Variants in SSH2 observed in about 807,000 individuals in gnomAD.
SSH2 encodes the protein slingshot protein phosphatase 2.
Under a neutral mutation model 135.2 loss-of-function variants are expected in SSH2, and 37 were observed. That is an observed-to-expected ratio of 0.27 (90% CI 0.21 to 0.36). SSH2 has a LOEUF of 0.36. Ranked by LOEUF, SSH2 falls within the 10% of genes least tolerant of loss-of-function variation. The pLI, the probability that SSH2 is intolerant of heterozygous loss-of-function variation, is 1.00. For missense variants in SSH2, 1,408 were observed against 1,765.3 expected (o/e 0.80, Z 3.63); for synonymous variants, 628 against 646.2 (o/e 0.97, Z 0.43).
intron 3 of SSH2, among the ~76,000 whole-genome samples, chr17:29,764,170 C>T (rs949770933): frequency 3.3e-5 from 5 of 152,010 alleles, no homozygotes; most frequent in South Asian, 2.1e-4. Context: ...AGGCTGGTCT[C>T]GAACTCCTGA....
intron 2 of SSH2, among the ~76,000 whole-genome samples, chr17:29,821,765 T>C (rs1213936390): frequency 6.6e-6 from 1 of 151,932 alleles, no homozygotes; most frequent in East Asian, 1.9e-4. Context: ...TGCCTCAGCC[T>C]CCTGAGTAGC....
chr17:29,649,995 T>C (rs966156660), intron 13 of SSH2, among the ~76,000 whole-genome samples: 21 of 152,224 alleles, frequency 1.4e-4, no homozygotes, highest in African/African-American at 5.1e-4. Flanking sequence ...AACATAGTCC[T>C]ACCTGAAGGA....
chr17:29,761,841 A>ATATG (rs1360849978), intron 3 of SSH2, among the ~76,000 whole-genome samples: 1 of 141,228 alleles, frequency 7.1e-6, no homozygotes, highest in South Asian at 2.1e-4. Flanking sequence ...ACTCACATAC[A>ATATG]TATGTGTGTG....
chr17:29,857,130 T>A (rs140681781), intron 1 of SSH2, among the ~76,000 whole-genome samples: 1,644 of 152,222 alleles, frequency 0.011, 20 homozygotes, highest in African/African-American at 0.035. Context: ...TGGTACCAAT[T>A]TACTGTATTA....
intron 3 of SSH2, among the ~76,000 whole-genome samples, chr17:29,706,337 C>A (rs963870300): frequency 2.6e-5 from 4 of 152,118 alleles, no homozygotes; most frequent in South Asian, 2.1e-4. Context: ...TAGACTGAAA[C>A]ACACCTTCTA....
Position 29,741,929 on chromosome 17 carries a change from T to C in SSH2, c.189-38867A>G, listed in dbSNP as rs915809931. 4.8e-3 allele frequency among the ~76,000 whole-genome samples: 675 copies of C among 142,006 alleles called. 1 individual carries two copies. Among genetic ancestry groups the C allele is most frequent in the Non-Finnish European group, 8.2e-3 (546 of 66,318 alleles). The allele number at this position is 142,006 out of a possible 152,430, so 93.2% of individuals were successfully genotyped here. A position where few individuals can be genotyped will look rare whatever the true frequency, so the allele number is the denominator to read the frequency against. On this transcript the variant is annotated intron_variant, in intron 3 of 15. Transcript: ENST00000540801. The stretch of plus-strand genomic sequence containing the variant: ...CATACCCAGCCAGCAATCTCATTTT[T>C]TTTTCTTTTTTTTTTTTTTTTTTTT...
intron 1 of SSH2, among the ~76,000 whole-genome samples, chr17:29,900,942 T>C (rs1424008555): frequency 1.3e-5 from 2 of 152,144 alleles, no homozygotes; most frequent in Non-Finnish European, 2.9e-5. Context: ...TGGAATACTA[T>C]GCAGCCATAA....
rs1319113227 is a variant in SSH2 at position 29,632,433 on chromosome 17, A to T, written c.2761T>A (p.Ser921Thr). ...TCATTCTTTGAATTCTTACGAGTGGACAATGAGGTACATGTTGGGGCAGCA... is the reference window on the plus strand; with the variant it reads ...TCATTCTTTGAATTCTTACGAGTGGTCAATGAGGTACATGTTGGGGCAGCA... ...HGAAPTCTSL[S>T]TRKNSKNDSS... Residue 921 changes from serine to threonine, a missense_variant, in exon 16 of 16, where the codon TCC becomes ACC. Ser to Thr is a moderately conservative substitution (Grantham distance 58). Around this residue, in one of 3 missense-constraint regions of SSH2, gnomAD observed 1,080 missense variants for 1,144.5 expected, o/e 0.94. Transcript: ENST00000540801. 2.5e-6 allele frequency: 4 copies of T among 1,614,230 alleles called. No homozygotes were observed. Among genetic ancestry groups the T allele is most frequent in the Middle Eastern group, 1.6e-4 (1 of 6,062 alleles).
At chr17:29,917,812 G>A (rs900744814) in intron 1 of SSH2, among the ~76,000 whole-genome samples, 3 of 151,802 alleles carry the variant, frequency 2.0e-5, no homozygotes, top group South Asian at 4.1e-4. Context: ...CCGAGATTGC[G>A]CCACTGCACT....
At chr17:29,855,922 T>C (rs2065654414) in intron 1 of SSH2, 1 of 262,890 alleles carries the variant, frequency 3.8e-6, no homozygotes, top group Non-Finnish European at 7.3e-6. Flanking sequence ...AGGCGCTAGG[T>C]TGACAAATGA....
intron 9 of SSH2, among the ~76,000 whole-genome samples, chr17:29,670,152 G>T (rs149394308): frequency 1.1e-3 from 164 of 152,190 alleles, no homozygotes; most frequent in African/African-American, 3.7e-3. Flanking sequence ...AAAGTGCTGA[G>T]ATTACAGGCA....
At position 29,700,434 on chromosome 17, in the gene SSH2, T is replaced by TA. The variant is rs1443680158; in HGVS notation, c.292+2524dup. ...TAAGACACATTTTCTACGGTTCTTT[T>TA]AAAACCTCATCATCACAGGTGTTCC... On this transcript the variant is annotated intron_variant, in intron 4 of 15. Coordinates refer to ENST00000540801, the MANE Select transcript of SSH2 (RefSeq NM_001282129.2). 5.9e-5 allele frequency among the ~76,000 whole-genome samples: 9 copies of TA among 152,350 alleles called. No homozygotes were observed. The South Asian group carries it at 1.2e-3, about 21-fold the overall frequency.
At chr17:29,683,272 C>G (rs182921128) in intron 6 of SSH2, among the ~76,000 whole-genome samples, 2 of 151,994 alleles carry the variant, frequency 1.3e-5, no homozygotes, top group Non-Finnish European at 2.9e-5. Flanking sequence ...CAAAGTCTTC[C>G]GAAGGTTTCT....
chr17:29,835,300 T>C (rs2042924176), intron 2 of SSH2, among the ~76,000 whole-genome samples: 1 of 152,222 alleles, frequency 6.6e-6, no homozygotes, highest in Non-Finnish European at 1.5e-5. Flanking sequence ...AGAACTCTGT[T>C]GGAAAACCCT....
intron 2 of SSH2, among the ~76,000 whole-genome samples, chr17:29,800,117 C>T (rs2042223935): frequency 1.3e-5 from 2 of 151,898 alleles, no homozygotes; most frequent in Admixed American, 1.3e-4. Context: ...GTGTTTTTAA[C>T]ACAAGATCCC....
chr17:29,722,720 G>A (rs766991655), intron 3 of SSH2, among the ~76,000 whole-genome samples: 2 of 152,092 alleles, frequency 1.3e-5, no homozygotes. Context: ...TTTTAAAAAG[G>A]ACCGAAAAGT....
chr17:29,771,246 T>C (rs992720860), intron 3 of SSH2, among the ~76,000 whole-genome samples: 3 of 152,220 alleles, frequency 2.0e-5, no homozygotes, highest in East Asian at 1.9e-4. Flanking sequence ...GCATATTTAT[T>C]TGTTGTCCTC....
intron 3 of SSH2, among the ~76,000 whole-genome samples, chr17:29,762,082 T>C (rs928038819): frequency 6.6e-6 from 1 of 152,096 alleles, no homozygotes; most frequent in Non-Finnish European, 1.5e-5. Context: ...GGTTTCAATG[T>C]GTTGGCCAGG....
At chr17:29,655,675 G>T in intron 11 of SSH2, 68 bp from the exon 12 acceptor site, 2 of 1,419,146 alleles carry the variant, frequency 1.4e-6, no homozygotes, top group South Asian at 1.2e-5. Flanking sequence ...GAAAAGGAGC[G>T]AGAGAAGAAG....
Sources: allele counts gnomAD v4.1 joint callset (sites outside exome capture counted in the v4.1 genomes callset), GRCh38; gene constraint gnomAD v4.1.1; regional missense constraint gnomAD v4.1.1; transcripts MANE v1.5; gene names NCBI Gene and HGNC (gene_info 2026-07-23, HGNC 2026-07-21).